The following CAPS2 variants were observed in gnomAD, a reference collection of about 807,000 sequenced individuals.
CAPS2 encodes calcyphosine 2.
A neutral mutation model predicts 86.5 loss-of-function variants in CAPS2; 98 were observed. The ratio of observed to expected loss-of-function variants is 1.13; its 90% CI spans 0.96 to 1.34. The LOEUF (loss-of-function observed/expected upper bound fraction) is 1.34. Ranked by LOEUF, CAPS2 falls within the 40% of genes most tolerant of loss-of-function variation. The pLI, the probability that CAPS2 is intolerant of heterozygous loss-of-function variation, is 0.00. For synonymous variants in CAPS2, 210 were observed against 225.1 expected (o/e 0.93, Z 0.60); for missense variants, 729 against 686.8 (o/e 1.06, Z -0.69).
intron 1 of CAPS2, among the ~76,000 whole-genome samples, chr12:75,352,003 G>C (rs2042847772): frequency 6.6e-6 from 1 of 152,156 alleles, no homozygotes; most frequent in Non-Finnish European, 1.5e-5. Flanking sequence ...GCTCCTGAAG[G>C]AAGCACTAAA....
intron 1 of CAPS2, chr12:75,347,619 T>C (rs779601919): frequency 2.5e-6 from 4 of 1,595,816 alleles, no homozygotes; most frequent in Non-Finnish European, 3.4e-6. Flanking sequence ...CTTTTCTTTA[T>C]AGTTAGTTTG....
chr12:75,305,554 A>G, intron 7 of CAPS2: 1 of 628,588 alleles, frequency 1.6e-6, no homozygotes. Context: ...TCCGTCCGCG[A>G]CCCTGGCAGA....
At chr12:75,315,511 A>G (rs2039666259) in intron 6 of CAPS2, among the ~76,000 whole-genome samples, 1 of 152,218 alleles carries the variant, frequency 6.6e-6, no homozygotes, top group Admixed American at 6.5e-5. Context: ...GAGATTGATT[A>G]TATATTACTG....
chr12:75,324,105 C>A (rs564671636), intron 2 of CAPS2, among the ~76,000 whole-genome samples: 2 of 152,314 alleles, frequency 1.3e-5, no homozygotes, highest in East Asian at 3.9e-4. Flanking sequence ...CCCCAAAATA[C>A]ACTGAAGAAA....
At chr12:75,341,266 T>C (rs999392885) in intron 1 of CAPS2, among the ~76,000 whole-genome samples, 3 of 152,260 alleles carry the variant, frequency 2.0e-5, no homozygotes, top group South Asian at 2.1e-4. Flanking sequence ...TTTCCATCAA[T>C]AGATGAAAGT....
chr12:75,341,120 T>C (rs1175252150), intron 1 of CAPS2, among the ~76,000 whole-genome samples: 1 of 152,144 alleles, frequency 6.6e-6, no homozygotes, highest in African/African-American at 2.4e-5. Flanking sequence ...TCTTTTTTCC[T>C]AGAAAAAGGA....
At chr12:75,279,580 G>A (rs376537788) in intron 16 of CAPS2, among the ~76,000 whole-genome samples, 8 of 152,046 alleles carry the variant, frequency 5.3e-5, no homozygotes, top group African/African-American at 1.9e-4. Flanking sequence ...CCTCAAACCA[G>A]AGGTTCTCTA....
At chr12:75,390,812 T>C (rs906483085) in intron 1 of CAPS2, 8 of 579,890 alleles carry the variant, frequency 1.4e-5, no homozygotes, top group Admixed American at 1.3e-4. Flanking sequence ...TTCACTACAT[T>C]AGTTTAGTGA....
intron 16 of CAPS2, among the ~76,000 whole-genome samples, chr12:75,281,420 T>C (rs892826553): frequency 1.3e-5 from 2 of 151,908 alleles, no homozygotes. Context: ...AAAAGAATAA[T>C]ATACTGCAAG....
chr12:75,349,057 G>C (rs928682749), intron 1 of CAPS2, among the ~76,000 whole-genome samples: 4 of 151,808 alleles, frequency 2.6e-5, no homozygotes, highest in Non-Finnish European at 5.9e-5. Context: ...GAGTACCAGA[G>C]AAAAGAGAAC....
chr12:75,299,450 T>C (rs1313276277), intron 9 of CAPS2, among the ~76,000 whole-genome samples: 2 of 152,130 alleles, frequency 1.3e-5, no homozygotes, highest in Non-Finnish European at 2.9e-5. Context: ...ATTTAAAAAT[T>C]ATTTTCCTTG....
At chr12:75,291,523 A>ATG (rs71078721) in intron 13 of CAPS2, among the ~76,000 whole-genome samples, 1 of 54,628 alleles carries the variant, frequency 1.8e-5, no homozygotes, top group Non-Finnish European at 3.2e-5. Context: ...ATATATATAT[A>ATG]GCTTATTTTA....
chr12:75,349,598 T>G (rs1184115976), intron 1 of CAPS2, among the ~76,000 whole-genome samples: 1 of 152,208 alleles, frequency 6.6e-6, no homozygotes, highest in African/African-American at 2.4e-5. Context: ...GTACTCTATA[T>G]TTTTAAATGT....
intron 1 of CAPS2, among the ~76,000 whole-genome samples, chr12:75,382,750 T>C (rs1046465967): frequency 5.3e-5 from 8 of 152,298 alleles, no homozygotes; most frequent in African/African-American, 1.9e-4. Flanking sequence ...AGCAAGAGGC[T>C]TAAAGTTTAT....
chr12:75,359,689 C>A (rs922682301), intron 1 of CAPS2, among the ~76,000 whole-genome samples: 1 of 151,860 alleles, frequency 6.6e-6, no homozygotes, highest in African/African-American at 2.4e-5. Context: ...ACATTGTTGA[C>A]CACATTATTT....
chr12:75,304,813 A>G, exon 8 of CAPS2: 2 of 1,610,918 alleles, frequency 1.2e-6, no homozygotes, highest in Non-Finnish European at 1.7e-6. Flanking sequence ...TTGAATCTGG[A>G]AGGATATGAT....
At chr12:75,292,892 A>C (rs2036240544) in intron 12 of CAPS2, among the ~76,000 whole-genome samples, 1 of 151,466 alleles carries the variant, frequency 6.6e-6, no homozygotes, top group Non-Finnish European at 1.5e-5. Context: ...CTAAAAAAAA[A>C]TCATAATAAC....
Position 75,282,279 on chromosome 12 carries a change from A to T in CAPS2, c.1584T>A (p.Cys528Ter). 6.2e-7 allele frequency: 1 copy of T among 1,602,552 alleles called. No individual in the cohort carries two copies. The highest frequency in any genetic ancestry group is 8.6e-7 in the Non-Finnish European group (1 of 1,169,528). Residue 528 changes from cysteine to a stop codon, truncating the protein, a stop_gained, in exon 16 of 17, where the codon TGT becomes TGA. Transcript: ENST00000393284. LOFTEE classifies it high-confidence loss of function. Reference sequence around the variant, plus strand: ...AAATTACTTGAGAATGCTTCTTTGCACAGTAACATTTTCTTATGTTTATAA... The same window carrying T: ...AAATTACTTGAGAATGCTTCTTTGCTCAGTAACATTTTCTTATGTTTATAA...
upstream of CAPS2, chr12:75,334,944 TC>T: frequency 1.3e-6 from 2 of 1,548,282 alleles, no homozygotes; most frequent in Non-Finnish European, 1.8e-6. Context: ...CCCTGACTCA[TC>T]CTGAGGTATC....
Sources: gnomAD v4.1 joint callset for allele counts (sites outside exome capture counted in the v4.1 genomes callset) on GRCh38, gnomAD v4.1.1 for gene constraint, MANE v1.5 for transcripts, NCBI Gene and HGNC (gene_info 2026-07-23, HGNC 2026-07-21) for gene names.